The following ASIC2 variants were observed in gnomAD, a reference collection of about 807,000 sequenced individuals.
ASIC2 encodes acid sensing ion channel subunit 2.
Under a neutral mutation model 57.3 loss-of-function variants are expected in ASIC2, and 25 were observed. The ratio of observed to expected loss-of-function variants is 0.44; its 90% CI spans 0.32 to 0.61. The LOEUF (loss-of-function observed/expected upper bound fraction) is 0.61. ASIC2 is among the 20% of genes least tolerant of loss of function. The pLI is 0.06. For synonymous variants in ASIC2, 319 were observed against 307.5 expected, an observed-to-expected ratio of 1.04 and a Z score of -0.39; for missense variants, 641 against 738.1, an observed-to-expected ratio of 0.87 and a Z score of 1.52.
intron 1 of ASIC2, among the ~76,000 whole-genome samples, chr17:33,754,357 T>C (rs1445378156): frequency 6.6e-6 from 1 of 152,030 alleles, no homozygotes; most frequent in Non-Finnish European, 1.5e-5. Context: ...TCCCAGCATC[T>C]GGGCTCCGGA....
chr17:33,161,980 T>A (rs7217059), intron 1 of ASIC2, among the ~76,000 whole-genome samples: 1 of 148,402 alleles, frequency 6.7e-6, no homozygotes, highest in East Asian at 2.0e-4. Context: ...CTAGCCGTTC[T>A]CATAACCAAG....
chr17:33,183,413 T>C (rs1258631370), intron 1 of ASIC2, among the ~76,000 whole-genome samples: 1 of 152,200 alleles, frequency 6.6e-6, no homozygotes, highest in African/African-American at 2.4e-5. Flanking sequence ...GCGTGTATCA[T>C]AAACATAAAA....
At chr17:33,725,778 G>A (rs2142086938) in intron 1 of ASIC2, among the ~76,000 whole-genome samples, 1 of 143,654 alleles carries the variant, frequency 7.0e-6, no homozygotes, top group South Asian at 2.2e-4. Context: ...GAACCCTGGC[G>A]ACCTCGCCCC....
chr17:33,551,058 T>C (rs1915736485), intron 1 of ASIC2, among the ~76,000 whole-genome samples: 1 of 152,308 alleles, frequency 6.6e-6, no homozygotes, highest in East Asian at 1.9e-4. Flanking sequence ...AGAAAATAAA[T>C]AATATTTATC....
intron 1 of ASIC2, among the ~76,000 whole-genome samples, chr17:33,596,788 G>A (rs1459849323): frequency 6.6e-6 from 1 of 152,080 alleles, no homozygotes; most frequent in African/African-American, 2.4e-5. Flanking sequence ...AGTGGCTTAT[G>A]CTCTTGAAAG....
chr17:33,380,245 CAAAAA>C (rs10586872), intron 1 of ASIC2, among the ~76,000 whole-genome samples: 4 of 71,060 alleles, frequency 5.6e-5, no homozygotes, highest in Admixed American at 2.0e-4. Flanking sequence ...AACCCTGTCT[CAAAAA>C]AAAAAAAAAA....
chr17:33,290,277 C>T (rs1381625645), intron 1 of ASIC2, among the ~76,000 whole-genome samples: 4 of 152,064 alleles, frequency 2.6e-5, no homozygotes, highest in Non-Finnish European at 4.4e-5. Context: ...TTTACCATCC[C>T]AAAAAAAGCT....
Position 33,266,784 on chromosome 17 carries a change from C to T in ASIC2, c.708+24624G>A, listed in dbSNP as rs915757591. 3.9e-5 allele frequency among the ~76,000 whole-genome samples: 6 copies of T among 152,104 alleles called. No homozygotes were observed. In the South Asian group the frequency reaches 6.2e-4, roughly 16 times the overall value. ...ACATTATAATGGACTACAACTCCCTCGCAGATGTCAAGAAAGGCAGGGGGC... is the reference window on the plus strand; with the variant it reads ...ACATTATAATGGACTACAACTCCCTTGCAGATGTCAAGAAAGGCAGGGGGC... On this transcript the variant is annotated intron_variant, in intron 1 of 9. Transcript: ENST00000225823.
At chr17:33,653,279 G>C (rs1270935776) in intron 1 of ASIC2, among the ~76,000 whole-genome samples, 2 of 152,154 alleles carry the variant, frequency 1.3e-5, no homozygotes, top group Admixed American at 6.5e-5. Context: ...TAATCAGTGA[G>C]GCCTCCCTAA....
intron 1 of ASIC2, among the ~76,000 whole-genome samples, chr17:33,368,823 C>G (rs1055238460): frequency 2.0e-5 from 3 of 152,182 alleles, no homozygotes; most frequent in Non-Finnish European, 2.9e-5. Context: ...TTTCACCCGT[C>G]TTAGCTCAGG....
intron 1 of ASIC2, among the ~76,000 whole-genome samples, chr17:33,835,547 T>C (rs537360643): frequency 1.3e-5 from 2 of 152,206 alleles, no homozygotes; most frequent in East Asian, 3.8e-4. Context: ...TGACTTGTTC[T>C]CACTTCTGTT....
intron 1 of ASIC2, among the ~76,000 whole-genome samples, chr17:34,129,862 C>T (rs917163279): frequency 4.6e-5 from 7 of 152,154 alleles, no homozygotes; most frequent in African/African-American, 1.7e-4. Flanking sequence ...AAGTACAGAA[C>T]AAAGGCTAAA....
At chr17:34,154,639 A>G (rs1904645280) in intron 1 of ASIC2, among the ~76,000 whole-genome samples, 1 of 152,190 alleles carries the variant, frequency 6.6e-6, no homozygotes, top group African/African-American at 2.4e-5. Flanking sequence ...GGTGAATCCA[A>G]GAGGGGGTAG....
chr17:33,769,075 C>T lies in ASIC2; in HGVS notation c.555+386903G>A, dbSNP rs758552596. Among the ~76,000 whole-genome samples the T allele has an allele frequency of 3.9e-5, 6 of 152,322 alleles. No individual in the cohort carries two copies. The South Asian group carries it at 6.2e-4, about 16-fold the overall frequency. ...TATTCTTGGATACTGGACAAAAGCTCGGGACTCACTGAGTGTGGGTACCCA... is the reference window on the plus strand; with the variant it reads ...TATTCTTGGATACTGGACAAAAGCTTGGGACTCACTGAGTGTGGGTACCCA... On this transcript the variant is annotated intron_variant, in intron 1 of 9. Coordinates refer to the ASIC2 transcript ENST00000359872.
intron 1 of ASIC2, among the ~76,000 whole-genome samples, chr17:33,688,456 C>T (rs1908263976): frequency 6.6e-6 from 1 of 152,172 alleles, no homozygotes; most frequent in South Asian, 2.1e-4. Context: ...TACACCCACT[C>T]ACCTGTGATG....
At chr17:33,087,580 T>G (rs1291909984) in intron 3 of ASIC2, among the ~76,000 whole-genome samples, 2 of 142,048 alleles carry the variant, frequency 1.4e-5, no homozygotes, top group African/African-American at 5.9e-5. Context: ...CCAGTGTTTT[T>G]TTTTTTTTTT....
chr17:33,384,187 C>T (rs1275223786), intron 1 of ASIC2, among the ~76,000 whole-genome samples: 1 of 152,188 alleles, frequency 6.6e-6, no homozygotes, highest in Non-Finnish European at 1.5e-5. Context: ...TCCAAGAAAC[C>T]TAGGGAATGT....
chr17:33,491,096 A>G (rs1913740853), intron 1 of ASIC2, among the ~76,000 whole-genome samples: 1 of 151,946 alleles, frequency 6.6e-6, no homozygotes, highest in Non-Finnish European at 1.5e-5. Flanking sequence ...ACCTACTTCC[A>G]TTCCTCCTCT....
chr17:33,709,437 T>C (rs1351676439), intron 1 of ASIC2, among the ~76,000 whole-genome samples: 1 of 152,250 alleles, frequency 6.6e-6, no homozygotes, highest in Non-Finnish European at 1.5e-5. Context: ...AGGTGGCCTT[T>C]CTAAGAAGAG....
Sources: allele counts gnomAD v4.1 joint callset (sites outside exome capture counted in the v4.1 genomes callset), GRCh38; gene constraint gnomAD v4.1.1; transcripts MANE v1.5; gene names NCBI Gene and HGNC (gene_info 2026-07-23, HGNC 2026-07-21).